PLXNA4: variants seen among roughly 807,000 people sequenced by gnomAD.
PLXNA4 encodes plexin A4.
Under a neutral mutation model 191.8 loss-of-function variants are expected in PLXNA4, and 44 were observed. The observed-to-expected ratio is 0.23, with a 90% confidence interval of 0.18 to 0.29. The LOEUF (loss-of-function observed/expected upper bound fraction) is 0.29, where lower values mean the gene tolerates loss of function less well. Ranked by LOEUF, PLXNA4 falls within the 10% of genes least tolerant of loss-of-function variation. The pLI is 1.00. For missense variants in PLXNA4, 1,800 were observed against 2,488.8 expected (o/e 0.72, Z 5.89); for synonymous variants, 1,082 against 1,009.5 (o/e 1.07, Z -1.36).
chr7:132,557,501 T>C (rs1800852591), intron 1 of PLXNA4, among the ~76,000 whole-genome samples: 1 of 151,152 alleles, frequency 6.6e-6, no homozygotes, highest in African/African-American at 2.4e-5. Context: ...AGCCCTTGAA[T>C]AAAAATCTCT....
intron 3 of PLXNA4, among the ~76,000 whole-genome samples, chr7:132,424,375 C>T (rs1322190092): frequency 6.6e-6 from 1 of 152,106 alleles, no homozygotes; most frequent in African/African-American, 2.4e-5. Context: ...GGAGGGAGCT[C>T]AGCTGGAGAG....
intron 3 of PLXNA4, among the ~76,000 whole-genome samples, chr7:132,401,698 C>T (rs575889367): frequency 6.4e-4 from 97 of 152,210 alleles, no homozygotes; most frequent in African/African-American, 2.2e-3. Flanking sequence ...ATTGTGTGGC[C>T]ATACTGGGGA....
At chr7:132,283,001 C>A (rs117091367) in intron 4 of PLXNA4, among the ~76,000 whole-genome samples, 1,564 of 152,158 alleles carry the variant, frequency 0.01, 8 homozygotes, top group Non-Finnish European at 0.014. Context: ...CTCAGCCCCC[C>A]CCAAGTAACT....
At chr7:132,141,089 T>C (rs1795254376) in intron 29 of PLXNA4, among the ~76,000 whole-genome samples, 1 of 152,204 alleles carries the variant, frequency 6.6e-6, no homozygotes, top group Non-Finnish European at 1.5e-5. Context: ...CCAGCCTTGA[T>C]GGCAGGGCTC....
At chr7:132,172,444 C>T (rs924145437) in intron 21 of PLXNA4, among the ~76,000 whole-genome samples, 10 of 152,132 alleles carry the variant, frequency 6.6e-5, no homozygotes, top group Admixed American at 6.5e-4. Flanking sequence ...GAGGACACCT[C>T]CTTCTTCACA....
At chr7:132,145,447 T>C (rs1795392679) in intron 28 of PLXNA4, 159 bp from the exon 29 acceptor site, 3 of 975,710 alleles carry the variant, frequency 3.1e-6, no homozygotes, top group Non-Finnish European at 4.4e-6. Flanking sequence ...TTTTTTCCCA[T>C]TTCATCTGTC....
At chr7:132,436,695 CAAGG>C (rs1174634267) in intron 3 of PLXNA4, among the ~76,000 whole-genome samples, 1 of 152,162 alleles carries the variant, frequency 6.6e-6, no homozygotes, top group African/African-American at 2.4e-5. Context: ...AGCCAAGAGA[CAAGG>C]AAGACCCAAA....
chr7:132,215,115 T>C (rs1477514038), intron 9 of PLXNA4, among the ~76,000 whole-genome samples: 1 of 152,180 alleles, frequency 6.6e-6, no homozygotes, highest in African/African-American at 2.4e-5. Context: ...CCCACCCAGC[T>C]TATTCCACTC....
intron 3 of PLXNA4, among the ~76,000 whole-genome samples, chr7:132,383,186 C>A (rs1160382584): frequency 6.6e-6 from 1 of 152,104 alleles, no homozygotes; most frequent in East Asian, 1.9e-4. Context: ...GATGGCCAAG[C>A]CACCAAGCAA....
chr7:132,418,040 G>A (rs1204768342), intron 3 of PLXNA4, among the ~76,000 whole-genome samples: 1 of 152,102 alleles, frequency 6.6e-6, no homozygotes, highest in Non-Finnish European at 1.5e-5. Context: ...AGCATTCTGG[G>A]CACTGAGTCT....
chr7:132,510,834 G>A (rs931355608), intron 1 of PLXNA4, among the ~76,000 whole-genome samples: 24 of 152,216 alleles, frequency 1.6e-4, no homozygotes, highest in Admixed American at 1.4e-3. Context: ...GGAAGAGTAC[G>A]TCTGGAGAAC....
At chr7:132,574,464 C>G (rs568791153) in intron 1 of PLXNA4, among the ~76,000 whole-genome samples, 4 of 152,214 alleles carry the variant, frequency 2.6e-5, no homozygotes, top group Non-Finnish European at 1.5e-5. Flanking sequence ...TTCCACAGCC[C>G]GGAAGACAGA....
chr7:132,389,905 A>T (rs543441649), intron 3 of PLXNA4, among the ~76,000 whole-genome samples: 1 of 152,370 alleles, frequency 6.6e-6, no homozygotes, highest in Non-Finnish European at 1.5e-5. Context: ...ATAATTAAAA[A>T]GTCAGGACAC....
At chr7:132,340,165 T>C (rs952422950) in intron 3 of PLXNA4, among the ~76,000 whole-genome samples, 2 of 152,172 alleles carry the variant, frequency 1.3e-5, no homozygotes, top group African/African-American at 4.8e-5. Context: ...ACTCAGTGGA[T>C]TGGACTCCAC....
chr7:132,318,385 A>C (rs1043989667), intron 3 of PLXNA4, among the ~76,000 whole-genome samples: 1 of 152,216 alleles, frequency 6.6e-6, no homozygotes, highest in African/African-American at 2.4e-5. Context: ...AGGTGATATC[A>C]GTATGTGCTC....
At chr7:132,566,029 T>C (rs1019959927) in intron 1 of PLXNA4, among the ~76,000 whole-genome samples, 15 of 152,238 alleles carry the variant, frequency 9.9e-5, no homozygotes, top group African/African-American at 3.1e-4. Context: ...CTCTGATTCC[T>C]ATAATTCTAA....
chr7:132,340,365 TG>T (rs934778767), intron 3 of PLXNA4, among the ~76,000 whole-genome samples: 3 of 152,236 alleles, frequency 2.0e-5, no homozygotes, highest in African/African-American at 7.2e-5. Context: ...AGGGCACTGT[TG>T]CTAGGCAACC....
At chr7:132,636,707 C>T (rs1477076992) in intron 2 of PLXNA4, among the ~76,000 whole-genome samples, 1 of 152,192 alleles carries the variant, frequency 6.6e-6, no homozygotes, top group Non-Finnish European at 1.5e-5. Context: ...GCTTCCCCCA[C>T]TGCAGCCCAA....
chr7:132,163,138 C>T (rs1795999566), intron 24 of PLXNA4, among the ~76,000 whole-genome samples: 1 of 152,178 alleles, frequency 6.6e-6, no homozygotes, highest in Non-Finnish European at 1.5e-5. Context: ...TTCATACTCC[C>T]TCCTTCCAAG....
Sources: gnomAD v4.1 joint callset for allele counts (sites outside exome capture counted in the v4.1 genomes callset) on GRCh38, gnomAD v4.1.1 for gene constraint, MANE v1.5 for transcripts, NCBI Gene and HGNC (gene_info 2026-07-23, HGNC 2026-07-21) for gene names.